PDE4B: variants seen among roughly 807,000 people sequenced by gnomAD.
PDE4B encodes 3',5'-cyclic-AMP phosphodiesterase 4B.
In PDE4B, 20 loss-of-function variants were observed where a neutral mutation model predicts 82.2. The ratio of observed to expected loss-of-function variants is 0.24; its 90% CI spans 0.17 to 0.35. The LOEUF (loss-of-function observed/expected upper bound fraction) is 0.35. Ranked by LOEUF, PDE4B falls within the 10% of genes least tolerant of loss-of-function variation. The pLI is 1.00. For missense variants in PDE4B, 655 were observed against 907.2 expected (o/e 0.72, Z 3.57); for synonymous variants, 320 against 318.9 (o/e 1.00, Z -0.04).
At chr1:66,182,149 T>C (rs1647078980) in intron 3 of PDE4B, among the ~76,000 whole-genome samples, 1 of 152,124 alleles carries the variant, frequency 6.6e-6, no homozygotes, top group African/African-American at 2.4e-5. Context: ...TTGAAATAAA[T>C]GTTAATTCGC....
intron 8 of PDE4B, among the ~76,000 whole-genome samples, chr1:66,341,768 A>G (rs1661002128): frequency 1.3e-5 from 2 of 152,208 alleles, no homozygotes; most frequent in African/African-American, 4.8e-5. Context: ...TCTCTCTGCC[A>G]CTTTGCAGAG....
At chr1:66,353,361 C>T (rs1661983222) in intron 8 of PDE4B, among the ~76,000 whole-genome samples, 1 of 152,182 alleles carries the variant, frequency 6.6e-6, no homozygotes, top group South Asian at 2.1e-4. Context: ...GAAATACTGG[C>T]TTGCATTGGC....
chr1:66,088,085 G>A (rs1001472057), intron 3 of PDE4B, among the ~76,000 whole-genome samples: 5 of 152,012 alleles, frequency 3.3e-5, no homozygotes, highest in African/African-American at 1.2e-4. Context: ...AGGAACCACA[G>A]CTTGAGCTGA....
At chr1:66,328,789 A>T (rs966606356) in intron 7 of PDE4B, among the ~76,000 whole-genome samples, 1 of 152,132 alleles carries the variant, frequency 6.6e-6, no homozygotes, top group Admixed American at 6.5e-5. Flanking sequence ...AGTTAGCCAC[A>T]TGTGCTTTGT....
In PDE4B at chr1:66,216,279, G is replaced by T. The variant is rs572087430; in HGVS notation, c.282-31181G>T. ...TTCAATTGATAGGTTAAGTAAAGCA[G>T]TTTGCCCTCCTCAATGTGCATGGGC... On this transcript the variant is annotated intron_variant, in intron 3 of 16. Transcript: ENST00000341517. Among the ~76,000 whole-genome samples, 26 of 151,630 alleles carry T rather than the reference G, an allele frequency of 1.7e-4. 1 individual carries two copies. The East Asian group carries it at 4.8e-3, about 28-fold the overall frequency.
intron 7 of PDE4B, among the ~76,000 whole-genome samples, chr1:66,306,884 T>C (rs1472737062): frequency 6.6e-6 from 1 of 152,194 alleles, no homozygotes; most frequent in Non-Finnish European, 1.5e-5. Flanking sequence ...TGTGGTGCTG[T>C]GCAGTGATCA....
chr1:65,884,098 G>T (rs1253804105), intron 1 of PDE4B, among the ~76,000 whole-genome samples: 1 of 152,128 alleles, frequency 6.6e-6, no homozygotes, highest in African/African-American at 2.4e-5. Context: ...TGTTCATCAA[G>T]GATATTGGTC....
intron 1 of PDE4B, among the ~76,000 whole-genome samples, chr1:65,898,132 C>A (rs1646931145): frequency 6.6e-6 from 1 of 151,964 alleles, no homozygotes; most frequent in Non-Finnish European, 1.5e-5. Context: ...ACTTATATGT[C>A]TTTTTTGAGA....
At chr1:65,827,155 G>A (rs1421901910) in intron 1 of PDE4B, among the ~76,000 whole-genome samples, 1 of 151,924 alleles carries the variant, frequency 6.6e-6, no homozygotes, top group African/African-American at 2.4e-5. Context: ...TAAACATTTA[G>A]CAGAACAAAA....
intron 7 of PDE4B, among the ~76,000 whole-genome samples, chr1:66,314,422 G>GT (rs1450428909): frequency 2.6e-5 from 4 of 151,882 alleles, no homozygotes; most frequent in Admixed American, 6.6e-5. Context: ...GTTTTGTTTT[G>GT]TTTTTTTGGA....
intron 6 of PDE4B, among the ~76,000 whole-genome samples, chr1:66,260,661 T>G (rs1396987709): frequency 1.3e-5 from 2 of 152,158 alleles, no homozygotes; most frequent in Non-Finnish European, 2.9e-5. Context: ...TGAAGGTTTT[T>G]TACCTCTGTT....
At chr1:66,009,907 A>ATCTATCTGTCTG (rs78361169) in intron 3 of PDE4B, among the ~76,000 whole-genome samples, 5 of 75,476 alleles carry the variant, frequency 6.6e-5, no homozygotes, top group Admixed American at 1.3e-4. Flanking sequence ...CTGTATCTTT[A>ATCTATCTGTCTG]TCTATCTATC....
At chr1:65,955,215 T>G (rs1237306911) in intron 3 of PDE4B, among the ~76,000 whole-genome samples, 1 of 152,112 alleles carries the variant, frequency 6.6e-6, no homozygotes. Context: ...CGTCCATCCA[T>G]CTCAGATGTT....
chr1:65,839,622 G>A (rs1316312403), intron 1 of PDE4B, among the ~76,000 whole-genome samples: 5 of 152,128 alleles, frequency 3.3e-5, no homozygotes, highest in African/African-American at 1.2e-4. Context: ...TGGCTGCATA[G>A]TATTATATGA....
intron 3 of PDE4B, among the ~76,000 whole-genome samples, chr1:66,010,591 A>G (rs1387545102): frequency 6.6e-6 from 1 of 150,930 alleles, no homozygotes; most frequent in Non-Finnish European, 1.5e-5. Flanking sequence ...TTCCATATCT[A>G]ATACTATACT....
chr1:66,315,825 C>T (rs1658990812), intron 7 of PDE4B, among the ~76,000 whole-genome samples: 1 of 152,110 alleles, frequency 6.6e-6, no homozygotes, highest in African/African-American at 2.4e-5. Flanking sequence ...GAGTCATTCC[C>T]TCTTCCTCAT....
At chr1:66,344,042 A>C (rs1661216054) in intron 8 of PDE4B, among the ~76,000 whole-genome samples, 4 of 152,210 alleles carry the variant, frequency 2.6e-5, no homozygotes, top group African/African-American at 9.6e-5. Flanking sequence ...ACAAGGATTA[A>C]TTTAACCTGC....
At chr1:65,868,643 T>C (rs1646538694) in intron 1 of PDE4B, among the ~76,000 whole-genome samples, 1 of 152,178 alleles carries the variant, frequency 6.6e-6, no homozygotes, top group African/African-American at 2.4e-5. Flanking sequence ...AAAGGGACTG[T>C]ATAGCAGGGG....
chr1:66,314,817 T>A (rs569598405), intron 7 of PDE4B, among the ~76,000 whole-genome samples: 1 of 152,364 alleles, frequency 6.6e-6, no homozygotes, highest in East Asian at 1.9e-4. Flanking sequence ...GTTGCCTGGC[T>A]TGTAATTCAG....
Sources: allele counts gnomAD v4.1 joint callset (sites outside exome capture counted in the v4.1 genomes callset), GRCh38; gene constraint gnomAD v4.1.1; transcripts MANE v1.5; gene names NCBI Gene and HGNC (gene_info 2026-07-23, HGNC 2026-07-21).